Variants in QDPR observed in about 807,000 individuals in gnomAD.
The protein encoded by QDPR is quinoid dihydropteridine reductase.
Under a neutral mutation model 31.7 loss-of-function variants are expected in QDPR, and 23 were observed. That is an observed-to-expected ratio of 0.73 (90% CI 0.52 to 1.03). The LOEUF (loss-of-function observed/expected upper bound fraction) is 1.03. QDPR is among the 50% of genes least tolerant of loss of function. The probability of loss-of-function intolerance (pLI) is 0.00; values close to 1 mark genes in which losing one functional copy is unlikely to be tolerated. For synonymous variants in QDPR, 124 were observed against 124.7 expected, an observed-to-expected ratio of 0.99 and a Z score of 0.03; for missense variants, 324 against 323.8, an observed-to-expected ratio of 1.00 and a Z score of 0.00.
rs1384853803 is a variant in QDPR at position 17,492,295 on chromosome 4, C to A, written c.482G>T (p.Cys161Phe). Residue 161 changes from cysteine (C) to phenylalanine (F), a missense_variant, in exon 5 of 7, where the codon TGC becomes TTC. By Grantham distance (205) the Cys-to-Phe change is radical. Coordinates refer to ENST00000281243, the MANE Select transcript of QDPR (RefSeq NM_000320.3). ...GCTGTTCTTCCCAGCCAGGCTCTGG[C>A]AGAGCTGGTGAACAGCACCCTTGGC... ...GMAKGAVHQLCQSLAGKNSGM... is the reference protein window; with the variant it reads ...GMAKGAVHQLFQSLAGKNSGM... 1 of 1,614,206 alleles carries A rather than the reference C, an allele frequency of 6.2e-7. No individual in the cohort carries two copies. Among genetic ancestry groups the A allele is most frequent in the Admixed American group, 1.7e-5 (1 of 60,030 alleles).
intron 4 of QDPR, among the ~76,000 whole-genome samples, chr4:17,500,792 G>A (rs1258076864): frequency 6.6e-6 from 1 of 152,216 alleles, no homozygotes; most frequent in African/African-American, 2.4e-5. Flanking sequence ...ACAGTTGGTA[G>A]ATGATTAGGG....
intron 3 of QDPR, 77 bp from the exon 4 acceptor site, chr4:17,501,936 A>C (rs1433803101): frequency 1.5e-5 from 24 of 1,593,414 alleles, no homozygotes; most frequent in African/African-American, 2.7e-5. Context: ...GCAGCCCCAC[A>C]CTCAGGGAGG....
In QDPR at chr4:17,487,077, T is replaced by G; in HGVS notation, c.*54A>C. 21 of 1,406,708 alleles carry G rather than the reference T, an allele frequency of 1.5e-5. No individual in the cohort carries two copies. Among genetic ancestry groups the G allele is most frequent in the Non-Finnish European group, 2.0e-5 (20 of 992,254 alleles). 87.1% of individuals were successfully genotyped at this position (1,406,708 alleles called of 1,614,324 possible). On this transcript the variant is annotated 3_prime_UTR_variant, in exon 7 of 7. Transcript: ENST00000281243. Reference sequence around the variant, plus strand: ...AACACAAGGCTGGACAAGGCCACACTGAGACAGGTTAGTGACTTTTCTGGC... The same window carrying G: ...AACACAAGGCTGGACAAGGCCACACGGAGACAGGTTAGTGACTTTTCTGGC...
At chr4:17,491,150 T>C (rs150184504) in intron 5 of QDPR, among the ~76,000 whole-genome samples, 1 of 152,368 alleles carries the variant, frequency 6.6e-6, no homozygotes, top group African/African-American at 2.4e-5. Flanking sequence ...AATATGAGAA[T>C]ACTAAAATAC....
chr4:17,493,800 G>C (rs1466482857), intron 4 of QDPR, among the ~76,000 whole-genome samples: 1 of 152,110 alleles, frequency 6.6e-6, no homozygotes, highest in Non-Finnish European at 1.5e-5. Flanking sequence ...AGGTCGGTAG[G>C]TGGAGCTGAA....
intron 4 of QDPR, 37 bp from the exon 5 acceptor site, chr4:17,492,377 G>A: frequency 6.6e-7 from 1 of 1,521,082 alleles, no homozygotes; most frequent in Non-Finnish European, 9.1e-7. Flanking sequence ...GTGACCACTG[G>A]CGGCCAGGGG....
chr4:17,507,055 A>G (rs1260164395), intron 2 of QDPR, among the ~76,000 whole-genome samples: 3 of 152,238 alleles, frequency 2.0e-5, no homozygotes, highest in Non-Finnish European at 4.4e-5. Context: ...TATATCATAC[A>G]TGCATCACTT....
rs747086140 is a variant in QDPR at position 17,487,244 on chromosome 4, A to G, written c.630-8T>C. ...ATCCAGTCATGGAAAGTTCTGGAACAGAAAATAAAAGTTTTTTTTATATTC... is the reference window on the plus strand; with the variant it reads ...ATCCAGTCATGGAAAGTTCTGGAACGGAAAATAAAAGTTTTTTTTATATTC... On this transcript the variant is annotated splice_polypyrimidine_tract_variant and splice_region_variant and intron_variant, in intron 6 of 6. Coordinates refer to ENST00000281243, the MANE Select transcript of QDPR (RefSeq NM_000320.3). 1.9e-6 allele frequency: 3 copies of G among 1,611,576 alleles called. No individual in the cohort carries two copies. Among genetic ancestry groups the G allele is most frequent in the African/African-American group, 1.3e-5 (1 of 74,868 alleles).
At chr4:17,500,024 C>T (rs1283037578) in intron 4 of QDPR, among the ~76,000 whole-genome samples, 1 of 151,828 alleles carries the variant, frequency 6.6e-6, no homozygotes, top group Non-Finnish European at 1.5e-5. Flanking sequence ...TGCTCTGTTG[C>T]CCAGGCTGGA....
At chr4:17,499,991 T>A (rs991354802) in intron 4 of QDPR, among the ~76,000 whole-genome samples, 1 of 152,012 alleles carries the variant, frequency 6.6e-6, no homozygotes, top group Non-Finnish European at 1.5e-5. Context: ...CACCTTTTTT[T>A]TTTTTCTTTT....
chr4:17,508,282 C>T (rs1224734589), intron 2 of QDPR, among the ~76,000 whole-genome samples: 1 of 152,062 alleles, frequency 6.6e-6, no homozygotes, highest in Non-Finnish European at 1.5e-5. Context: ...ACTAAAAATA[C>T]AAAAAAGTTA....
chr4:17,508,805 C>T (rs1015137996), intron 2 of QDPR, among the ~76,000 whole-genome samples: 9 of 151,932 alleles, frequency 5.9e-5, no homozygotes, highest in African/African-American at 9.7e-5. Context: ...TCACTTTTTC[C>T]AAATTTTCCT....
chr4:17,512,027 C>T lies in QDPR; in HGVS notation c.28G>A (p.Ala10Thr). The T allele has an allele frequency of 6.2e-7, 1 of 1,605,798 alleles. No homozygotes were observed. The highest frequency in any genetic ancestry group is 8.5e-7 in the Non-Finnish European group (1 of 1,177,138). Residue 10 changes from alanine to threonine, a missense_variant, in exon 1 of 7, where the codon GCG (alanine) becomes ACG (threonine). Physicochemically the swap from Ala to Thr is moderately conservative, Grantham distance 58. Transcript: ENST00000281243. ...CCGCCGTACACCAGCACCCGGCGCGCCTCGCCTGCAGCCGCCGCCGCCGCC... is the reference window on the plus strand; with the variant it reads ...CCGCCGTACACCAGCACCCGGCGCGTCTCGCCTGCAGCCGCCGCCGCCGCC... Reference protein sequence around the residue: MAAAAAAGEARRVLVYGGRG... With the variant: MAAAAAAGETRRVLVYGGRG...
intron 2 of QDPR, among the ~76,000 whole-genome samples, chr4:17,504,759 A>G (rs1422308032): frequency 6.6e-6 from 1 of 151,916 alleles, no homozygotes; most frequent in East Asian, 1.9e-4. Flanking sequence ...CAATTAATAA[A>G]TAAAAGTAGG....
chr4:17,509,487 G>C, intron 1 of QDPR, 124 bp from the exon 2 acceptor site: 1 of 828,410 alleles, frequency 1.2e-6, no homozygotes, highest in Non-Finnish European at 2.0e-6. Flanking sequence ...AGCACTTTGG[G>C]AGCCAATGTG....
At chr4:17,498,420 A>G (rs1231813329) in intron 4 of QDPR, among the ~76,000 whole-genome samples, 3 of 152,218 alleles carry the variant, frequency 2.0e-5, no homozygotes, top group Non-Finnish European at 4.4e-5. Context: ...ATAAGTGCTC[A>G]TTAACCCAGC....
At chr4:17,507,390 A>C (rs1718826075) in intron 2 of QDPR, among the ~76,000 whole-genome samples, 2 of 152,066 alleles carry the variant, frequency 1.3e-5, no homozygotes, top group South Asian at 2.1e-4. Context: ...AGCACTAAAA[A>C]CCATTAAACA....
chr4:17,503,533 AAAC>A (rs148182009), intron 3 of QDPR, among the ~76,000 whole-genome samples: 7,306 of 152,310 alleles, frequency 0.048, 237 homozygotes, highest in African/African-American at 0.091. Context: ...AGGCACAAGA[AAAC>A]AAGCTCAACT....
chr4:17,494,221 C>G (rs1401817897), intron 4 of QDPR, among the ~76,000 whole-genome samples: 2 of 150,868 alleles, frequency 1.3e-5, no homozygotes, highest in African/African-American at 5.0e-5. Flanking sequence ...CAGGGAGGGT[C>G]TCCAAGGACT....
Sources: allele counts gnomAD v4.1 joint callset (sites outside exome capture counted in the v4.1 genomes callset), GRCh38; gene constraint gnomAD v4.1.1; transcripts MANE v1.5; gene names NCBI Gene and HGNC (gene_info 2026-07-23, HGNC 2026-07-21).